The following PSD variants were observed in gnomAD, a reference collection of about 807,000 sequenced individuals.
The protein encoded by PSD is pleckstrin and Sec7 domain containing.
In PSD, 32 loss-of-function variants were observed where a neutral mutation model predicts 91.6. The observed-to-expected ratio is 0.35, with a 90% CI of 0.26 to 0.47. The LOEUF (loss-of-function observed/expected upper bound fraction) is 0.47. Ranked by LOEUF, PSD falls within the 20% of genes least tolerant of loss-of-function variation. The probability of loss-of-function intolerance (pLI) is 1.00; values close to 1 mark genes in which losing one functional copy is unlikely to be tolerated. For synonymous variants in PSD, 532 were observed against 569.3 expected, an observed-to-expected ratio of 0.93 and a Z score of 0.93; for missense variants, 1,099 against 1,373.9, an observed-to-expected ratio of 0.80 and a Z score of 3.16.
At position 102,416,545 on chromosome 10, in the gene PSD, G is replaced by C. The variant is rs777864461; in HGVS notation, c.494C>G (p.Ser165Trp). ...TSDPLPARGGSALPGSRNLVH... is the reference protein window; with the variant it reads ...TSDPLPARGGWALPGSRNLVH... ...AAGGTTCCGGCTGCCAGGTAGGGCCGAGCCTCCTCTGGCGGGGAGTGGGTC... is the reference window on the plus strand; with the variant it reads ...AAGGTTCCGGCTGCCAGGTAGGGCCCAGCCTCCTCTGGCGGGGAGTGGGTC... Residue 165 changes from serine to tryptophan, a missense_variant, in exon 2 of 17, where the codon TCG (serine) becomes TGG (tryptophan). Ser to Trp is a radical substitution (Grantham distance 177). Coordinates refer to ENST00000020673, the MANE Select transcript of PSD (RefSeq NM_002779.5). This position sits in a 1 kb window ranked among gnomAD's most constrained non-coding sequence, Gnocchi z 6.0. 1.9e-6 allele frequency: 3 copies of C among 1,607,998 alleles called. No individual in the cohort carries two copies. Among genetic ancestry groups the C allele is most frequent in the African/African-American group, 1.3e-5 (1 of 74,800 alleles).
Position 102,409,514 on chromosome 10 carries a change from G to C in PSD, c.2091+1344C>G, listed in dbSNP as rs2061403670. On this transcript the variant is annotated intron_variant, in intron 10 of 16. Transcript: ENST00000020673. This position sits in a 1 kb window ranked among gnomAD's most constrained non-coding sequence, Gnocchi z 5.7. ...AGGGTCTGGAACTCCCTTCTGGCTG[G>C]TCTGGGTTGGGGTGGTGGGAGGGGA... Among the ~76,000 whole-genome samples, 1 of 152,094 alleles carries C rather than the reference G, an allele frequency of 6.6e-6. No individual in the cohort carries two copies. Among genetic ancestry groups the C allele is most frequent in the South Asian group, 2.1e-4 (1 of 4,828 alleles).
At position 102,403,997 on chromosome 10, in the gene PSD, G is replaced by C. The variant is rs2061323903; in HGVS notation, c.2701-12C>G. Reference sequence around the variant, plus strand: ...CGCACCTGCTCCTCCTAGCGGCCAGGGGGAGGCATGGTCATGGTCACTCTG... The same window carrying C: ...CGCACCTGCTCCTCCTAGCGGCCAGCGGGAGGCATGGTCATGGTCACTCTG... On this transcript the variant is annotated splice_polypyrimidine_tract_variant and intron_variant, in intron 15 of 16. Transcript: ENST00000020673. The surrounding 1 kb of genome is among the most constrained non-coding windows in gnomAD (Gnocchi z 6.7). 2.8e-5 allele frequency: 43 copies of C among 1,543,044 alleles called. No homozygotes were observed. Among genetic ancestry groups the C allele is most frequent in the Non-Finnish European group, 3.4e-5 (39 of 1,146,722 alleles).
At position 102,411,091 on chromosome 10, in the gene PSD, C is replaced by T. The variant is rs150759016; in HGVS notation, c.1968G>A (p.Ala656=). ...SEDGAHTLTC[A]LMLLNTDLHG... is the part of the protein sequence containing the mutation. ...GGAGATCCGTGTTGAGCAGCATGAG[C>T]GCACAGGTCAGCGTGTGGGCGCCGT... The change falls in exon 9 of 17, where the codon GCG becomes GCA. Residue 656 remains alanine, a synonymous_variant. Transcript: ENST00000020673. 1.7e-5 allele frequency: 27 copies of T among 1,611,308 alleles called. No individual in the cohort carries two copies. Among genetic ancestry groups the T allele is most frequent in the Non-Finnish European group, 2.2e-5 (26 of 1,177,960 alleles).
chr10:102,411,097 G>C lies in PSD; in HGVS notation c.1962C>G (p.Thr654=). 6.2e-7 allele frequency: 1 copy of C among 1,610,398 alleles called. No homozygotes were observed. The highest frequency in any genetic ancestry group is 8.5e-7 in the Non-Finnish European group (1 of 1,177,126). The change falls in exon 9 of 17, where the codon ACC becomes ACG. Residue 654 remains threonine (T), a synonymous_variant. Coordinates refer to ENST00000020673, the MANE Select transcript of PSD (RefSeq NM_002779.5). The part of the protein sequence containing the change: ...LSSEDGAHTL[T]CALMLLNTDL... Reference sequence around the variant, plus strand: ...CCGTGTTGAGCAGCATGAGCGCACAGGTCAGCGTGTGGGCGCCGTCTAGGG... The same window carrying C: ...CCGTGTTGAGCAGCATGAGCGCACACGTCAGCGTGTGGGCGCCGTCTAGGG...
intron 3 of PSD, among the ~76,000 whole-genome samples, 185 bp downstream of exon 3, chr10:102,415,832 C>T (rs1028152855): frequency 1.3e-5 from 2 of 152,246 alleles, no homozygotes; most frequent in Non-Finnish European, 2.9e-5. Flanking sequence ...AGGTGCCCTG[C>T]CCAGTCCTAT....
rs745478867 is a variant in PSD, at chr10:102,412,453, T to C, written c.1676A>G (p.Gln559Arg). 3.1e-6 allele frequency: 5 copies of C among 1,614,174 alleles called. No individual in the cohort carries two copies. Among genetic ancestry groups the C allele is most frequent in the East Asian group, 4.5e-5 (2 of 44,884 alleles). ...TCGGTACAGCCTCTTGGCCAGGCGCTGCGCAGCCTCCAGGTCCGCTTTCTG... is the reference window on the plus strand; with the variant it reads ...TCGGTACAGCCTCTTGGCCAGGCGCCGCGCAGCCTCCAGGTCCGCTTTCTG... Reference protein sequence around the residue: ...NGQKADLEAAQRLAKRLYRLD... With the variant: ...NGQKADLEAARRLAKRLYRLD... The change falls in exon 6 of 17, where the codon CAG (glutamine) becomes CGG (arginine). Residue 559 changes from glutamine to arginine, a missense_variant. Gln to Arg is a conservative substitution (Grantham distance 43). Transcript: ENST00000020673.
At position 102,404,067 on chromosome 10, in the gene PSD, A is replaced by G; in HGVS notation, c.2701-82T>C. 7.3e-7 allele frequency: 1 copy of G among 1,367,260 alleles called. No homozygotes were observed. Among genetic ancestry groups the G allele is most frequent in the Non-Finnish European group, 9.7e-7 (1 of 1,029,136 alleles). The allele number at this position is 1,367,260 out of a possible 1,614,324, so 84.7% of individuals were successfully genotyped here. A position where few individuals can be genotyped will look rare whatever the true frequency, so the allele number is the denominator to read the frequency against. On this transcript the variant is annotated intron_variant, in intron 15 of 16. Transcript: ENST00000020673. This position sits in a 1 kb window ranked among gnomAD's most constrained non-coding sequence, Gnocchi z 5.7. ...AGATTTTTAAAAAGATACCCCTTCCAGCCGGGCGCGGTGGCTCACGCCTGT... is the reference window on the plus strand; with the variant it reads ...AGATTTTTAAAAAGATACCCCTTCCGGCCGGGCGCGGTGGCTCACGCCTGT...
chr10:102,416,654 G>C lies in PSD; in HGVS notation c.385C>G (p.Leu129Val), dbSNP rs148295703. ...GGCCTGGGAGGAGAAACCCCACCCA[G>C]ATCCCAGCTCCGACTCAAGCCCCCT... is the stretch of plus-strand genomic sequence containing the variant. ...APGGLSRSWD[L>V]GGVSPPRPTP... Residue 129 changes from leucine to valine, a missense_variant, in exon 2 of 17, where the codon CTG becomes GTG. Leu to Val is a conservative substitution (Grantham distance 32, BLOSUM62 1). Around this residue, in one of 3 missense-constraint regions of PSD, gnomAD observed 631 missense variants for 728.8 expected, o/e 0.87. Transcript: ENST00000020673. This position sits in a 1 kb window ranked among gnomAD's most constrained non-coding sequence, Gnocchi z 6.0. 2.3e-4 allele frequency: 373 copies of C among 1,609,738 alleles called. No homozygotes were observed. The highest frequency in any genetic ancestry group is 3.9e-4 in the Admixed American group (23 of 59,368).
At chr10:102,418,971 G>A (rs2061522564), upstream of PSD, 2 of 343,274 alleles carry the variant, frequency 5.8e-6, no homozygotes, top group African/African-American at 4.3e-5. Flanking sequence ...CAAGGAGGAG[G>A]GCGCATGGAA....
intron 3 of PSD, among the ~76,000 whole-genome samples, chr10:102,415,683 G>A (rs2061470835): frequency 6.6e-6 from 1 of 152,112 alleles, no homozygotes; most frequent in Admixed American, 6.5e-5. Context: ...GCTGGTCTTG[G>A]ACTCCTGGCT....
At position 102,415,070 on chromosome 10, in the gene PSD, G is replaced by GCCAGCAC; in HGVS notation, c.910_916dup (p.Ala306GlyfsTer4). On this transcript the variant is annotated frameshift_variant, in exon 4 of 17. Coordinates refer to ENST00000020673, the MANE Select transcript of PSD (RefSeq NM_002779.5). LOFTEE classifies it high-confidence loss of function. ...GGCCGAGTCGGCCTCCTCCCGCTCA[G>GCCAGCAC]CCAGCACCTCATCGATGTCAGTCTC... The GCCAGCAC allele has an allele frequency of 6.2e-7, 1 of 1,614,112 alleles. No homozygotes were observed. Among genetic ancestry groups the GCCAGCAC allele is most frequent in the Non-Finnish European group, 8.5e-7 (1 of 1,180,016 alleles).
rs2061415854 is a variant in PSD, at chr10:102,410,637, C to T, written c.2091+221G>A. 6.6e-6 allele frequency among the ~76,000 whole-genome samples: 1 copy of T among 152,246 alleles called. No individual in the cohort carries two copies. The highest frequency in any genetic ancestry group is 1.5e-5 in the Non-Finnish European group (1 of 68,042). Reference sequence around the variant, plus strand: ...GCCGGGTCCCCTCCCCCGCCGTGCGCAGTCGCGACCGCACGCATGTGCGCA... The same window carrying T: ...GCCGGGTCCCCTCCCCCGCCGTGCGTAGTCGCGACCGCACGCATGTGCGCA... On this transcript the variant is annotated intron_variant, in intron 10 of 16. Transcript: ENST00000020673. The surrounding 1 kb of genome is among the most constrained non-coding windows in gnomAD (Gnocchi z 6.0).
intron 6 of PSD, 35 bp from the exon 7 acceptor site, chr10:102,412,262 A>C (rs990273928): frequency 6.2e-7 from 1 of 1,612,392 alleles, no homozygotes; most frequent in East Asian, 2.2e-5. Flanking sequence ...TAGGGTCTCA[A>C]GGGGAAGTGC....
rs765012953 is a variant in PSD at position 102,415,098 on chromosome 10, G to C, written c.889C>G (p.Arg297Gly). 3 of 1,613,952 alleles carry C rather than the reference G, an allele frequency of 1.9e-6. No individual in the cohort carries two copies. The highest frequency in any genetic ancestry group is 1.7e-6 in the Non-Finnish European group (2 of 1,180,010). The change falls in exon 4 of 17, where the codon CGC becomes GGC. Residue 297 changes from arginine (R) to glycine (G), a missense_variant. Physicochemically the swap from Arg to Gly is moderately radical, Grantham distance 125. This residue lies in a region of PSD where 631 missense variants were observed against 728.8 expected (regional missense o/e 0.87). Coordinates refer to ENST00000020673, the MANE Select transcript of PSD (RefSeq NM_002779.5). The stretch of plus-strand genomic sequence containing the variant: ...AGCACCTCATCGATGTCAGTCTCGC[G>C]GTAGCACCTCAGGGGCACCGTGTCC... ...DLDTVPLRCYRETDIDEVLAE... is the reference protein window; with the variant it reads ...DLDTVPLRCYGETDIDEVLAE...
Position 102,403,099 on chromosome 10 carries a change from G to T in PSD, c.*101C>A, listed in dbSNP as rs954270904. The T allele has an allele frequency of 3.4e-5, 34 of 1,012,616 alleles. No homozygotes were observed. Among genetic ancestry groups the T allele is most frequent in the Non-Finnish European group, 4.5e-5 (33 of 733,302 alleles). The allele number at this position is 1,012,616 out of a possible 1,614,324, so 62.7% of individuals were successfully genotyped here. A position where few individuals can be genotyped will look rare whatever the true frequency, so the allele number is the denominator to read the frequency against. Reference sequence around the variant, plus strand: ...CGCGTCCGGCGCGGTCGGGCCCTAGGCCGGGAGGCCCTCGTGGGTGGCCCG... The same window carrying T: ...CGCGTCCGGCGCGGTCGGGCCCTAGTCCGGGAGGCCCTCGTGGGTGGCCCG... On this transcript the variant is annotated 3_prime_UTR_variant, in exon 17 of 17. Coordinates refer to ENST00000020673, the MANE Select transcript of PSD (RefSeq NM_002779.5). The surrounding 1 kb of genome is among the most constrained non-coding windows in gnomAD (Gnocchi z 6.7).
At position 102,415,155 on chromosome 10, in the gene PSD, C is replaced by T. The variant is rs2061463873; in HGVS notation, c.832G>A (p.Gly278Arg). Residue 278 changes from glycine to arginine, a missense_variant, in exon 4 of 17, where the codon GGG becomes AGG. Transcript: ENST00000020673. ...GTCTCGGAGTACTTGGCTGCTCGCCCCACAGCCACCCCAGAGCCCTGCCTT... is the reference window on the plus strand; with the variant it reads ...GTCTCGGAGTACTTGGCTGCTCGCCTCACAGCCACCCCAGAGCCCTGCCTT... ...GSRQGSGVAVGRAAKYSETDL... is the reference protein window; with the variant it reads ...GSRQGSGVAVRRAAKYSETDL... 6.2e-7 allele frequency: 1 copy of T among 1,613,460 alleles called. No homozygotes were observed. Among genetic ancestry groups the T allele is most frequent in the Non-Finnish European group, 8.5e-7 (1 of 1,180,012 alleles).
At position 102,403,344 on chromosome 10, in the gene PSD, CA is replaced by C; in HGVS notation, c.2930del (p.Leu977ArgfsTer64). ...CATCCTCTGTGCTCCCGGCCTGGGC[CA>C]GTGCTGCCTCCACTGCATCCAGCTC... The part of the protein sequence containing the change: ...SEELDAVEAA[L>X]AQAGSTEDGL... On this transcript the variant is annotated frameshift_variant, in exon 17 of 17. Transcript: ENST00000020673. LOFTEE classifies it high-confidence loss of function. The surrounding 1 kb of genome is among the most constrained non-coding windows in gnomAD (Gnocchi z 6.7). 6.2e-7 allele frequency: 1 copy of C among 1,614,066 alleles called. No individual in the cohort carries two copies. Among genetic ancestry groups the C allele is most frequent in the South Asian group, 1.1e-5 (1 of 91,088 alleles).
rs376188661 is a variant in PSD, at chr10:102,416,303, C to T, written c.654+82G>A. The stretch of plus-strand genomic sequence containing the variant: ...AACAGATTAAAGGATTCAGAGTGAA[C>T]AGCAGACAAGCCCATGTCTGACAGG... On this transcript the variant is annotated intron_variant, in intron 2 of 16. Transcript: ENST00000020673. The surrounding 1 kb of genome is among the most constrained non-coding windows in gnomAD (Gnocchi z 6.0). 2.7e-5 allele frequency: 39 copies of T among 1,465,196 alleles called. No homozygotes were observed. The South Asian group carries it at 4.2e-4, about 16-fold the overall frequency. 90.8% of individuals were successfully genotyped at this position (1,465,196 alleles called of 1,614,324 possible).
intron 1 of PSD, among the ~76,000 whole-genome samples, chr10:102,417,474 G>A (rs1038172819): frequency 6.6e-6 from 1 of 151,990 alleles, no homozygotes; most frequent in Non-Finnish European, 1.5e-5. Context: ...CTGGAAAAGG[G>A]GTGTCAGCCA....
Sources: gnomAD v4.1 joint callset for allele counts (sites outside exome capture counted in the v4.1 genomes callset) on GRCh38, gnomAD v4.1.1 for gene constraint, gnomAD v4.1.1 regional missense constraint, Gnocchi (gnomAD v3.1) non-coding constraint, MANE v1.5 for transcripts, NCBI Gene and HGNC (gene_info 2026-07-23, HGNC 2026-07-21) for gene names.